Variants in CPHXL2 observed in about 807,000 individuals in gnomAD.
CPHXL2 encodes the protein cytoplasmic polyadenylated homeobox like 2.
the CPHXL2 span, among the ~76,000 whole-genome samples, chr16:75,664,637 A>AAAG: frequency 6.6e-6 from 1 of 150,716 alleles, no homozygotes; most frequent in African/African-American, 2.5e-5. Context: ...AAAAAAAAAA[A>AAAG]AAAAAGAAAG....
At chr16:75,673,301 G>A in the CPHXL2 span, among the ~76,000 whole-genome samples, 140 of 152,034 alleles carry the variant, frequency 9.2e-4, 1 homozygote, top group African/African-American at 3.3e-3. Flanking sequence ...TGGGCATGGA[G>A]GCACATGCCT....
At chr16:75,661,942 G>GCA in the CPHXL2 span, among the ~76,000 whole-genome samples, 1 of 152,156 alleles carries the variant, frequency 6.6e-6, no homozygotes, top group East Asian at 1.9e-4. Context: ...CACACCAGCT[G>GCA]GGTGTCCTCC....
At chr16:75,662,601 A>T in the CPHXL2 span, among the ~76,000 whole-genome samples, 1 of 152,054 alleles carries the variant, frequency 6.6e-6, no homozygotes, top group Admixed American at 6.5e-5. Flanking sequence ...GCATGCCAGG[A>T]AACAGCAGAA....
the CPHXL2 span, among the ~76,000 whole-genome samples, chr16:75,673,442 T>C: frequency 6.7e-6 from 1 of 149,054 alleles, no homozygotes; most frequent in Non-Finnish European, 1.5e-5. Flanking sequence ...TACAGGCATG[T>C]AATCCTGTCT....
the CPHXL2 span, among the ~76,000 whole-genome samples, chr16:75,670,840 T>C: frequency 6.6e-6 from 1 of 152,206 alleles, no homozygotes; most frequent in South Asian, 2.1e-4. Context: ...ACTCAATCTG[T>C]ACCCTTCTGT....
At chr16:75,670,346 A>G in the CPHXL2 span, among the ~76,000 whole-genome samples, 1 of 152,306 alleles carries the variant, frequency 6.6e-6, no homozygotes, top group Middle Eastern at 3.4e-3. Context: ...ACGGAATCGG[A>G]GCCTGAAAGG....
chr16:75,668,462 C>T, the CPHXL2 span, among the ~76,000 whole-genome samples: 1,489 of 152,142 alleles, frequency 9.8e-3, 11 homozygotes, highest in East Asian at 0.033. Context: ...CTCCTGACCT[C>T]GTGATTCGCC....
the CPHXL2 span, among the ~76,000 whole-genome samples, chr16:75,672,713 C>T: frequency 6.6e-6 from 1 of 152,070 alleles, no homozygotes; most frequent in Non-Finnish European, 1.5e-5. Flanking sequence ...TTGAACTCCA[C>T]TTGTAGGATC....
chr16:75,668,246 T>G, the CPHXL2 span, among the ~76,000 whole-genome samples: 1 of 142,434 alleles, frequency 7.0e-6, no homozygotes, highest in Non-Finnish European at 1.5e-5. Flanking sequence ...TTTTTTTTTT[T>G]GAGACAGAGC....
the CPHXL2 span, among the ~76,000 whole-genome samples, chr16:75,669,862 T>C: frequency 6.6e-6 from 1 of 152,262 alleles, no homozygotes; most frequent in East Asian, 1.9e-4. Flanking sequence ...GAATCGGTAG[T>C]TGAGGCTCAG....
At chr16:75,666,456 A>G in the CPHXL2 span, among the ~76,000 whole-genome samples, 1 of 151,908 alleles carries the variant, frequency 6.6e-6, no homozygotes, top group Non-Finnish European at 1.5e-5. Context: ...TGAAAACACA[A>G]AATTAGCCTG....
At chr16:75,668,779 G>C in the CPHXL2 span, among the ~76,000 whole-genome samples, 5 of 152,212 alleles carry the variant, frequency 3.3e-5, no homozygotes, top group South Asian at 1.0e-3. Flanking sequence ...ATTGTGCAGT[G>C]GTGGGATGAA....
At chr16:75,669,315 T>A in the CPHXL2 span, 3 of 371,630 alleles carry the variant, frequency 8.1e-6, no homozygotes, top group South Asian at 2.7e-4. Flanking sequence ...AGACCTTTCC[T>A]AAAAAAAAAA....
chr16:75,664,828 G>A, the CPHXL2 span, among the ~76,000 whole-genome samples: 1 of 151,964 alleles, frequency 6.6e-6, no homozygotes, highest in East Asian at 1.9e-4. Context: ...AAGAGTAAGA[G>A]ACCCCTGAGC....
chr16:75,663,211 T>C, the CPHXL2 span, among the ~76,000 whole-genome samples: 1 of 152,202 alleles, frequency 6.6e-6, no homozygotes, highest in East Asian at 1.9e-4. Flanking sequence ...TCAGAATTGC[T>C]TTAGGCTATT....
chr16:75,668,547 T>A, the CPHXL2 span, among the ~76,000 whole-genome samples: 5 of 152,132 alleles, frequency 3.3e-5, no homozygotes, highest in African/African-American at 1.2e-4. Context: ...ATATTGTGTG[T>A]GTGTGTACAA....
chr16:75,667,896 T>C, the CPHXL2 span, among the ~76,000 whole-genome samples: 1 of 152,202 alleles, frequency 6.6e-6, no homozygotes, highest in Non-Finnish European at 1.5e-5. Flanking sequence ...TAGACTTAAG[T>C]CAAGCATCCA....
the CPHXL2 span, among the ~76,000 whole-genome samples, chr16:75,664,625 CAAAAAAAAAAAA>C: frequency 8.8e-6 from 1 of 113,094 alleles, no homozygotes; most frequent in Admixed American, 1.0e-4. Flanking sequence ...AACTCCATCT[CAAAAAAAAAAAA>C]AAAAAGAAAG....
At chr16:75,666,781 C>T in the CPHXL2 span, among the ~76,000 whole-genome samples, 1 of 152,060 alleles carries the variant, frequency 6.6e-6, no homozygotes, top group Non-Finnish European at 1.5e-5. Flanking sequence ...AATGTACATT[C>T]TATTAATCAG....
Sources: gnomAD v4.1 joint callset for allele counts (sites outside exome capture counted in the v4.1 genomes callset) on GRCh38, gnomAD v4.1.1 for gene constraint, MANE v1.5 for transcripts, NCBI Gene and HGNC (gene_info 2026-07-23, HGNC 2026-07-21) for gene names.